HECW1: variants seen among roughly 807,000 people sequenced by gnomAD.
HECW1 encodes the protein E3 ubiquitin-protein ligase HECW1.
HECW1 carries 61 observed loss-of-function variants against 182.3 expected under a neutral mutation model. The ratio of observed to expected loss-of-function variants is 0.33; its 90% confidence interval spans 0.27 to 0.41. The LOEUF is 0.41. Among genes scored for constraint, HECW1 ranks in the 10% least tolerant of loss-of-function variants. The pLI is 1.00. For missense variants in HECW1, 1,739 were observed against 2,108.9 expected, an observed-to-expected ratio of 0.82 and a Z score of 3.44; for synonymous variants, 859 against 832.6, an observed-to-expected ratio of 1.03 and a Z score of -0.55.
chr7:43,114,227 T>G lies in HECW1; in HGVS notation c.-196T>G, dbSNP rs1234704370. 1 of 1,360,950 alleles carries G rather than the reference T, an allele frequency of 7.3e-7. No homozygotes were observed. The highest frequency in any genetic ancestry group is 2.2e-5 in the Admixed American group (1 of 44,930). The allele number at this position is 1,360,950 out of a possible 1,614,324, so 84.3% of individuals were successfully genotyped here. On this transcript the variant is annotated 5_prime_UTR_variant, in exon 2 of 30. Coordinates refer to ENST00000395891, the MANE Select transcript of HECW1 (RefSeq NM_015052.5). ...TAGTTCAAAAATTGAGGGAGGCATC[T>G]TCTCTCTTTTCCTGGGATTTAAACG...
intron 6 of HECW1, among the ~76,000 whole-genome samples, chr7:43,383,939 T>C (rs2074666970): frequency 6.6e-6 from 1 of 152,144 alleles, no homozygotes. Context: ...AAAATATATT[T>C]GCTAGTCATT....
intron 4 of HECW1, among the ~76,000 whole-genome samples, chr7:43,318,185 A>C (rs1321483606): frequency 6.6e-6 from 1 of 152,194 alleles, no homozygotes; most frequent in Non-Finnish European, 1.5e-5. Context: ...GGAATATCCC[A>C]GTGATCAGAG....
At chr7:43,474,112 C>T (rs540213451) in intron 16 of HECW1, among the ~76,000 whole-genome samples, 1 of 152,042 alleles carries the variant, frequency 6.6e-6, no homozygotes, top group South Asian at 2.1e-4. Flanking sequence ...ACAGAAAAAC[C>T]AGTGGTGATG....
chr7:43,444,215 C>G lies in HECW1; in HGVS notation c.1046-3C>G. 1 of 1,595,622 alleles carries G rather than the reference C, an allele frequency of 6.3e-7. No individual in the cohort carries two copies. Among genetic ancestry groups the G allele is most frequent in the Non-Finnish European group, 8.6e-7 (1 of 1,167,992 alleles). On this transcript the variant is annotated splice_polypyrimidine_tract_variant and splice_region_variant and intron_variant, in intron 10 of 29. Transcript: ENST00000395891. This position sits in a 1 kb window ranked among gnomAD's most constrained non-coding sequence, Gnocchi z 4.3. ...AATGACATATTTTTCTTCTTACCAG[C>G]AGATGATGAGGAGATTTCCCTGAGT...
intron 4 of HECW1, among the ~76,000 whole-genome samples, chr7:43,313,416 C>T (rs756243307): frequency 2.6e-5 from 4 of 151,640 alleles, no homozygotes; most frequent in Non-Finnish European, 5.9e-5. Flanking sequence ...CAGCTCACCG[C>T]AACCTCTGCC....
chr7:43,226,201 G>C (rs577861165), intron 2 of HECW1, among the ~76,000 whole-genome samples: 9 of 152,268 alleles, frequency 5.9e-5, no homozygotes, highest in Non-Finnish European at 1.2e-4. Flanking sequence ...ATGAATTTAG[G>C]TTCGGAACAT....
Position 43,343,267 on chromosome 7 carries a change from CTT to C in HECW1, c.461-17606_461-17605del, listed in dbSNP as rs11362924. On this transcript the variant is annotated intron_variant, in intron 5 of 29. Transcript: ENST00000395891. ...ACTGCAATGTCTGGGCAACAGTATT[CTT>C]TTTTTTTTTTTTAATTATACTTTAA... Among the ~76,000 whole-genome samples, 244 of 146,038 alleles carry C rather than the reference CTT, an allele frequency of 1.7e-3. 2 individuals are homozygous for C. Among genetic ancestry groups the C allele is most frequent in the Non-Finnish European group, 1.6e-3 (105 of 66,614 alleles).
At chr7:43,322,050 TAAA>T (rs1262394557) in intron 5 of HECW1, among the ~76,000 whole-genome samples, 6 of 152,324 alleles carry the variant, frequency 3.9e-5, no homozygotes, top group African/African-American at 1.4e-4. Flanking sequence ...ATAGGCATAA[TAAA>T]ACTCCCAGCA....
chr7:43,283,666 A>G (rs1444541750), intron 3 of HECW1, among the ~76,000 whole-genome samples: 1 of 152,212 alleles, frequency 6.6e-6, no homozygotes, highest in Non-Finnish European at 1.5e-5. Context: ...CCAAGCACTG[A>G]TTTAGACCTA....
intron 3 of HECW1, among the ~76,000 whole-genome samples, chr7:43,290,402 G>C (rs764770342): frequency 1.3e-5 from 2 of 152,152 alleles, no homozygotes; most frequent in Non-Finnish European, 2.9e-5. Flanking sequence ...CATGGCTTTA[G>C]GTTTTGTTTA....
intron 15 of HECW1, among the ~76,000 whole-genome samples, chr7:43,467,937 A>G (rs1563017853): frequency 6.6e-6 from 1 of 152,094 alleles, no homozygotes; most frequent in Non-Finnish European, 1.5e-5. Flanking sequence ...CCCTGGGCTC[A>G]ATTCCAAGCA....
At chr7:43,544,492 A>G (rs2081481519) in intron 26 of HECW1, among the ~76,000 whole-genome samples, 1 of 152,242 alleles carries the variant, frequency 6.6e-6, no homozygotes, top group South Asian at 2.1e-4. Context: ...GTAGAGAAAC[A>G]GACCTTCTTG....
chr7:43,299,973 G>C (rs1806523779), intron 3 of HECW1, among the ~76,000 whole-genome samples: 1 of 152,238 alleles, frequency 6.6e-6, no homozygotes, highest in South Asian at 2.1e-4. Flanking sequence ...TCTTGATGCT[G>C]TTGGACTTTT....
chr7:43,516,736 A>G (rs1021325568), intron 24 of HECW1, among the ~76,000 whole-genome samples: 5 of 152,244 alleles, frequency 3.3e-5, no homozygotes, highest in African/African-American at 1.2e-4. Context: ...AAGCAATTTT[A>G]TCATTGCGTG....
In HECW1 at chr7:43,445,018, G is replaced by T. The variant is rs1412250659; in HGVS notation, c.1846G>T (p.Asp616Tyr). The change falls in exon 11 of 30, where the codon GAC (aspartate) becomes TAC (tyrosine). Residue 616 changes from aspartate to tyrosine, a missense_variant. Coordinates refer to ENST00000395891, the MANE Select transcript of HECW1 (RefSeq NM_015052.5). ...CGCTGACCCGTCTGCCCTGGAAGAG[G>T]ACAGAGAAGAGCCCGAGGGGGCTAC... ...VAADPSALEE[D>Y]REEPEGATPG... is the part of the protein sequence containing the mutation. The T allele has an allele frequency of 6.4e-7, 1 of 1,562,132 alleles. No homozygotes were observed.
At chr7:43,320,824 C>G in intron 5 of HECW1, 82 bp downstream of exon 5, 1 of 994,264 alleles carries the variant, frequency 1.0e-6, no homozygotes, top group Non-Finnish European at 1.6e-6. Flanking sequence ...TCCCGTTGCA[C>G]TGCCTCCACT....
intron 5 of HECW1, among the ~76,000 whole-genome samples, chr7:43,324,892 T>C (rs1810580297): frequency 6.6e-6 from 1 of 152,202 alleles, no homozygotes; most frequent in Non-Finnish European, 1.5e-5. Flanking sequence ...TGAGATTGGA[T>C]GTATATTGCA....
intron 21 of HECW1, 136 bp from the exon 22 acceptor site, chr7:43,507,001 T>G: frequency 2.0e-6 from 2 of 1,015,018 alleles, no homozygotes; most frequent in South Asian, 1.9e-5. Flanking sequence ...ACCCAGGAGG[T>G]GGAAGTTGCG....
At position 43,541,992 on chromosome 7, in the gene HECW1, T is replaced by C; in HGVS notation, c.4242T>C (p.Phe1414=). The change falls in exon 26 of 30, where the codon TTT becomes TTC. Residue 1414 remains phenylalanine (F), a synonymous_variant. Transcript: ENST00000395891. ...CTTTCACTGTTAATGAAGAGGTTTT[T>C]GGACAGGTTTGTGTGACATGGGGTT... ...DLTFTVNEEV[F]GQVTERELKS... is the part of the protein sequence containing the mutation. The C allele has an allele frequency of 6.5e-7, 1 of 1,527,770 alleles. No homozygotes were observed. The highest frequency in any genetic ancestry group is 2.4e-5 in the East Asian group (1 of 40,872). 94.6% of individuals were successfully genotyped at this position (1,527,770 alleles called of 1,614,324 possible). A position where few individuals can be genotyped will look rare whatever the true frequency, so the allele number is the denominator to read the frequency against.
Sources: allele counts gnomAD v4.1 joint callset (sites outside exome capture counted in the v4.1 genomes callset), GRCh38; gene constraint gnomAD v4.1.1; non-coding constraint Gnocchi (gnomAD v3.1); transcripts MANE v1.5; gene names NCBI Gene and HGNC (gene_info 2026-07-23, HGNC 2026-07-21).